Variants in CAMK1D observed in about 807,000 individuals in gnomAD.
CAMK1D encodes calcium/calmodulin dependent protein kinase ID.
In CAMK1D, 9 loss-of-function variants were observed where a neutral mutation model predicts 47.7. The ratio of observed to expected loss-of-function variants is 0.19; its 90% CI spans 0.11 to 0.33. The LOEUF (loss-of-function observed/expected upper bound fraction) is 0.33, where lower values mean the gene tolerates loss of function less well. Among genes scored for constraint, CAMK1D ranks in the 10% least tolerant of loss-of-function variants. The pLI is 1.00. For missense variants in CAMK1D, 291 were observed against 488.7 expected, an observed-to-expected ratio of 0.60 and a Z score of 3.81; for synonymous variants, 184 against 184.9, an observed-to-expected ratio of 0.99 and a Z score of 0.04.
At chr10:12,588,791 C>T (rs9787665) in intron 2 of CAMK1D, among the ~76,000 whole-genome samples, 6,879 of 145,658 alleles carry the variant, frequency 0.047, 319 homozygotes, top group East Asian at 0.18. Flanking sequence ...TATATATATA[C>T]ACACACACAC....
intron 1 of CAMK1D, among the ~76,000 whole-genome samples, chr10:12,416,755 A>T (rs1468587494): frequency 2.0e-5 from 3 of 152,180 alleles, no homozygotes; most frequent in African/African-American, 7.2e-5. Flanking sequence ...GCAAGAGTGA[A>T]GTTCTGTTTT....
At chr10:12,797,351 C>G (rs893446184) in intron 6 of CAMK1D, among the ~76,000 whole-genome samples, 2 of 152,086 alleles carry the variant, frequency 1.3e-5, no homozygotes, top group African/African-American at 2.4e-5. Flanking sequence ...GAGTGTGCCA[C>G]TATGCCCAGC....
intron 4 of CAMK1D, among the ~76,000 whole-genome samples, chr10:12,768,165 G>T (rs374001535): frequency 6.6e-6 from 1 of 152,300 alleles, no homozygotes; most frequent in African/African-American, 2.4e-5. Flanking sequence ...AAACCACCGT[G>T]CCTGGCCAGA....
chr10:12,661,926 A>T (rs1840284530), intron 2 of CAMK1D, among the ~76,000 whole-genome samples: 1 of 152,200 alleles, frequency 6.6e-6, no homozygotes, highest in Non-Finnish European at 1.5e-5. Context: ...TTCCCTTTTA[A>T]ATAGTATTAT....
At chr10:12,724,694 G>A (rs961968426) in intron 3 of CAMK1D, among the ~76,000 whole-genome samples, 1 of 152,184 alleles carries the variant, frequency 6.6e-6, no homozygotes, top group African/African-American at 2.4e-5. Context: ...CGCTGTCTGA[G>A]CTTCATAGGA....
chr10:12,388,153 G>A (rs1181134809), intron 1 of CAMK1D, among the ~76,000 whole-genome samples: 1 of 152,160 alleles, frequency 6.6e-6, no homozygotes, highest in Non-Finnish European at 1.5e-5. Context: ...CTCCCAAGTA[G>A]CTGGAAGTAC....
chr10:12,663,257 G>A (rs529983924), intron 2 of CAMK1D, among the ~76,000 whole-genome samples: 96 of 152,180 alleles, frequency 6.3e-4, no homozygotes, highest in African/African-American at 2.2e-3. Context: ...AACCGTGCCC[G>A]GCCTCTACTT....
intron 5 of CAMK1D, among the ~76,000 whole-genome samples, chr10:12,782,423 T>G (rs1329724621): frequency 1.3e-5 from 2 of 152,230 alleles, no homozygotes; most frequent in Non-Finnish European, 2.9e-5. Flanking sequence ...AATGTGTGTC[T>G]GGGGTTGCAA....
Position 12,587,341 on chromosome 10 carries a change from C to T in CAMK1D, c.224+33985C>T, listed in dbSNP as rs551624633. ...GTGGAGCCCCTCTCATCATATCCCG[C>T]ATGCAAAATTCAGGGAGACTTGGAG... On this transcript the variant is annotated intron_variant, in intron 2 of 10. Transcript: ENST00000619168. Among the ~76,000 whole-genome samples the T allele has an allele frequency of 2.0e-5, 3 of 152,230 alleles. No homozygotes were observed. In the South Asian group the frequency reaches 6.2e-4, roughly 32 times the overall value.
chr10:12,764,650 C>A (rs527999302), intron 4 of CAMK1D, among the ~76,000 whole-genome samples: 12 of 152,258 alleles, frequency 7.9e-5, no homozygotes, highest in African/African-American at 2.9e-4. Context: ...CTCTCTGCAC[C>A]CATGATTGGA....
chr10:12,805,127 C>T (rs1338105003), intron 6 of CAMK1D, among the ~76,000 whole-genome samples: 8 of 150,494 alleles, frequency 5.3e-5, no homozygotes, highest in East Asian at 4.1e-4. Context: ...GGTGTGGTGG[C>T]GCACACCTGT....
At chr10:12,784,620 G>A (rs991475391) in intron 5 of CAMK1D, among the ~76,000 whole-genome samples, 3 of 152,198 alleles carry the variant, frequency 2.0e-5, no homozygotes, top group African/African-American at 7.2e-5. Flanking sequence ...TCATGGAAAG[G>A]TATTTAGCAA....
chr10:12,528,734 A>G (rs1425176537), intron 1 of CAMK1D, among the ~76,000 whole-genome samples: 1 of 92,730 alleles, frequency 1.1e-5, no homozygotes, highest in Non-Finnish European at 2.3e-5. Context: ...GGAAATCCTC[A>G]TCTTTTTTTT....
At chr10:12,419,945 G>C (rs1887395) in intron 1 of CAMK1D, among the ~76,000 whole-genome samples, 102,983 of 151,752 alleles carry the variant, frequency 0.68, 35,190 homozygotes, top group African/African-American at 0.76. Context: ...AGTGAAAAAT[G>C]ACATCTATGT....
At chr10:12,809,942 G>C (rs113717485) in intron 6 of CAMK1D, among the ~76,000 whole-genome samples, 3,266 of 152,076 alleles carry the variant, frequency 0.021, 50 homozygotes, top group African/African-American at 0.046. Flanking sequence ...GAGCCCAGGA[G>C]TTCCAGACCA....
chr10:12,614,462 C>T lies in CAMK1D; in HGVS notation c.225-52274C>T, dbSNP rs74697368. Among the ~76,000 whole-genome samples the T allele has an allele frequency of 9.6e-3, 1,456 of 152,180 alleles. 17 individuals are homozygous for T. The highest frequency in any genetic ancestry group is 0.014 in the Non-Finnish European group (923 of 68,018). Reference sequence around the variant, plus strand: ...GTACGGTTATATTTTGCATGTGTTCCGCATATTGTAATAGCCATAGTTTTA... The same window carrying T: ...GTACGGTTATATTTTGCATGTGTTCTGCATATTGTAATAGCCATAGTTTTA... On this transcript the variant is annotated intron_variant, in intron 2 of 10. Coordinates refer to ENST00000619168, the MANE Select transcript of CAMK1D (RefSeq NM_153498.4).
rs555971070 is a variant in CAMK1D at position 12,409,024 on chromosome 10, T to C, written c.92+59114T>C. On this transcript the variant is annotated intron_variant, in intron 1 of 10. Transcript: ENST00000619168. ...GGCGTGCACCACCATGCCTGGCTAA[T>C]ACTTGTACTTTTAGTAGAGACGGAG... is the stretch of plus-strand genomic sequence containing the variant. Among the ~76,000 whole-genome samples the C allele has an allele frequency of 3.3e-4, 50 of 152,068 alleles. No homozygotes were observed. In the South Asian group the frequency reaches 1.0e-2, roughly 30 times the overall value.
intron 3 of CAMK1D, among the ~76,000 whole-genome samples, chr10:12,715,164 T>C (rs1226638570): frequency 1.3e-5 from 2 of 152,184 alleles, no homozygotes; most frequent in East Asian, 3.8e-4. Flanking sequence ...GAGATCCACT[T>C]TCTCAGCTAC....
At chr10:12,380,023 C>T (rs1025922600) in intron 1 of CAMK1D, among the ~76,000 whole-genome samples, 7 of 151,270 alleles carry the variant, frequency 4.6e-5, no homozygotes, top group Admixed American at 2.0e-4. Context: ...GACCATCCTG[C>T]CTAACACGGT....
Sources: allele counts gnomAD v4.1 joint callset (sites outside exome capture counted in the v4.1 genomes callset), GRCh38; gene constraint gnomAD v4.1.1; transcripts MANE v1.5; gene names NCBI Gene and HGNC (gene_info 2026-07-23, HGNC 2026-07-21).